HEPH: variants seen among roughly 807,000 people sequenced by gnomAD.
The protein encoded by HEPH is hephaestin.
HEPH carries 69 observed loss-of-function variants against 80.8 expected under a neutral mutation model. That is an observed-to-expected ratio of 0.85 (90% CI 0.70 to 1.04). The LOEUF (loss-of-function observed/expected upper bound fraction) is 1.04, where lower values mean the gene tolerates loss of function less well. HEPH is among the 50% of genes least tolerant of loss of function. The pLI, the probability that HEPH is intolerant of heterozygous loss-of-function variation, is 0.00. For synonymous variants in HEPH, 431 were observed against 322.8 expected, an observed-to-expected ratio of 1.34 and a Z score of -3.60; for missense variants, 1,115 against 891.3, an observed-to-expected ratio of 1.25 and a Z score of -3.20.
intron 14 of HEPH, 96 bp from the exon 15 acceptor site, chrX:66,208,019 T>A (rs1428860179): frequency 1.7e-6 from 1 of 604,658 alleles, no homozygotes; most frequent in Non-Finnish European, 2.5e-6. Flanking sequence ...AAACCACTAA[T>A]TCTATGAAGT....
At chrX:66,255,652 T>A (rs979489523) in intron 16 of HEPH, among the ~76,000 whole-genome samples, 2 of 111,664 alleles carry the variant, frequency 1.8e-5, no homozygotes, top group Non-Finnish European at 3.8e-5. Flanking sequence ...TGATATAAAT[T>A]TAAGATACAT....
At chrX:66,193,027 AG>A (rs1245947368) in intron 7 of HEPH, among the ~76,000 whole-genome samples, 1 of 111,015 alleles carries the variant, frequency 9.0e-6, no homozygotes, top group Admixed American at 9.7e-5. Flanking sequence ...GAGAAAACTT[AG>A]GAAAGTTGGT....
rs138179187 is a variant in HEPH, at chrX:66,173,698, C to T, written c.522C>T (p.Thr174=). ...NWTIPEGHAP[T]DADPACLTWI... is the part of the protein sequence containing the mutation. ...CCATTCCAGAAGGCCATGCACCCAC[C>T]GATGCTGACCCAGCGTGCCTCACCT... is the stretch of plus-strand genomic sequence containing the variant. Residue 174 remains threonine, a synonymous_variant, in exon 4 of 21, where the codon ACC becomes ACT. Transcript: ENST00000343002. The T allele has an allele frequency of 2.3e-5, 28 of 1,207,949 alleles. No individual in the cohort carries two copies. Among genetic ancestry groups the T allele is most frequent in the Admixed American group, 4.4e-5 (2 of 45,632 alleles).
At chrX:66,205,039 T>C (rs1238335395) in intron 13 of HEPH, among the ~76,000 whole-genome samples, 4 of 111,788 alleles carry the variant, frequency 3.6e-5, no homozygotes, top group Non-Finnish European at 7.5e-5. Flanking sequence ...GAGCATAGTA[T>C]CCAATAGTTA....
At chrX:66,174,605 T>C (rs1358095001) in intron 4 of HEPH, among the ~76,000 whole-genome samples, 1 of 112,284 alleles carries the variant, frequency 8.9e-6, no homozygotes, top group Non-Finnish European at 1.9e-5. Context: ...CTTGTGGCTC[T>C]ACTAGTTTAC....
In HEPH at chrX:66,189,916, C is replaced by T. The variant is rs147511382; in HGVS notation, c.1041C>T (p.Cys347=). ...AACCTGGTACCTGGTTAATTAGCTGCCAAGTGAACAGTCACTTTCGAGGTG... is the reference window on the plus strand; with the variant it reads ...AACCTGGTACCTGGTTAATTAGCTGTCAAGTGAACAGTCACTTTCGAGGTG... ...PWEPGTWLIS[C]QVNSHFRDGM... is the part of the protein sequence containing the mutation. Residue 347 remains cysteine, a synonymous_variant, in exon 6 of 21, where the codon TGC becomes TGT. Coordinates refer to ENST00000343002, the MANE Select transcript of HEPH (RefSeq NM_001367233.3). 58 of 1,181,657 alleles carry T rather than the reference C, an allele frequency of 4.9e-5. No individual in the cohort carries two copies. The highest frequency in any genetic ancestry group is 6.2e-5 in the Non-Finnish European group (55 of 880,894).
intron 11 of HEPH, among the ~76,000 whole-genome samples, 180 bp downstream of exon 11, chrX:66,199,208 T>C (rs981849574): frequency 2.7e-5 from 3 of 112,269 alleles, no homozygotes; most frequent in African/African-American, 9.7e-5. Flanking sequence ...CTTTGGGTGC[T>C]GTGTCCTGTG....
At chrX:66,240,399 G>T in intron 15 of HEPH, among the ~76,000 whole-genome samples, 1 of 110,311 alleles carries the variant, frequency 9.1e-6, no homozygotes, top group Non-Finnish European at 1.9e-5. Flanking sequence ...AATTGTATAA[G>T]GAAAAGAAAT....
At chrX:66,228,262 T>G (rs1301737406) in intron 15 of HEPH, among the ~76,000 whole-genome samples, 1 of 112,488 alleles carries the variant, frequency 8.9e-6, no homozygotes, top group Non-Finnish European at 1.9e-5. Context: ...AGCACGCCCA[T>G]GATTCAATGA....
At chrX:66,176,444 A>G (rs965971077) in intron 4 of HEPH, among the ~76,000 whole-genome samples, 13 of 111,410 alleles carry the variant, frequency 1.2e-4, no homozygotes, top group African/African-American at 4.3e-4. Context: ...GTATTTTGCT[A>G]AGGATTTTAG....
At chrX:66,267,643 A>T (rs2091573295), downstream of HEPH, 1 of 111,640 alleles carries the variant, frequency 9.0e-6, no homozygotes, top group African/African-American at 3.3e-5. Flanking sequence ...AGGGAAATAG[A>T]AGTCTGAGAC....
chrX:66,209,456 C>G (rs1367986742), intron 15 of HEPH, among the ~76,000 whole-genome samples: 2 of 111,490 alleles, frequency 1.8e-5, no homozygotes, highest in Non-Finnish European at 3.8e-5. Flanking sequence ...AGAAACTACA[C>G]TTTGGAAACA....
At chrX:66,224,114 A>G (rs1453180552) in intron 15 of HEPH, among the ~76,000 whole-genome samples, 1 of 105,795 alleles carries the variant, frequency 9.5e-6, no homozygotes, top group Admixed American at 1.0e-4. Flanking sequence ...GATGATAACC[A>G]TTCTTTTCCA....
At chrX:66,242,942 A>G (rs927837222) in intron 15 of HEPH, among the ~76,000 whole-genome samples, 5 of 112,029 alleles carry the variant, frequency 4.5e-5, no homozygotes, top group African/African-American at 1.3e-4. Flanking sequence ...GTCACTGTGG[A>G]AAGCAGTTTG....
At chrX:66,221,344 T>G (rs2089638997) in intron 15 of HEPH, among the ~76,000 whole-genome samples, 2 of 112,515 alleles carry the variant, frequency 1.8e-5, no homozygotes, top group Non-Finnish European at 3.8e-5. Flanking sequence ...TTTAGGGTGT[T>G]GCAAACTTCA....
chrX:66,196,200 T>C (rs1474248737), intron 9 of HEPH, among the ~76,000 whole-genome samples: 1 of 111,356 alleles, frequency 9.0e-6, no homozygotes, highest in Non-Finnish European at 1.9e-5. Flanking sequence ...TATAGCGACA[T>C]AGGAGATGCG....
rs774555926 is a variant in HEPH, at chrX:66,188,377, C to T, written c.644C>T (p.Ser215Phe). The T allele has an allele frequency of 8.4e-7, 1 of 1,190,067 alleles. No individual in the cohort carries two copies. The highest frequency in any genetic ancestry group is 1.1e-6 in the Non-Finnish European group (1 of 884,895). The change falls in exon 5 of 21, where the codon TCC becomes TTC. Residue 215 changes from serine (S) to phenylalanine (F), a missense_variant. This residue lies in a region of HEPH where 391 missense variants were observed against 343.6 expected (regional missense o/e 1.14). Transcript: ENST00000343002. ...TCKRGALDGNSPPQRQDVDHD... is the reference protein window; with the variant it reads ...TCKRGALDGNFPPQRQDVDHD... ...GCCCTAGGAGCCCTGGATGGGAACT[C>T]CCCTCCTCAACGCCAGGATGTAGAC...
chrX:66,258,707 T>A (rs779527218), intron 17 of HEPH, 133 bp from the exon 18 acceptor site: 173 of 437,516 alleles, frequency 4.0e-4, no homozygotes, highest in Non-Finnish European at 5.8e-4. Context: ...GGAAAAAAGA[T>A]GAGACAAATT....
At chrX:66,249,021 G>GA (rs1198188592) in intron 15 of HEPH, among the ~76,000 whole-genome samples, 5 of 111,419 alleles carry the variant, frequency 4.5e-5, no homozygotes, top group Non-Finnish European at 7.5e-5. Context: ...TGAAGAAAAG[G>GA]AAAAAATGTA....
Sources: allele counts gnomAD v4.1 joint callset (sites outside exome capture counted in the v4.1 genomes callset), GRCh38; gene constraint gnomAD v4.1.1; regional missense constraint gnomAD v4.1.1; transcripts MANE v1.5; gene names NCBI Gene and HGNC (gene_info 2026-07-23, HGNC 2026-07-21).